Variants in TVP23A observed in about 807,000 individuals in gnomAD.
TVP23A encodes the protein Golgi apparatus membrane protein TVP23 homolog A.
In TVP23A, 21 loss-of-function variants were observed where a neutral mutation model predicts 31.7. That is an observed-to-expected ratio of 0.66 (90% CI 0.47 to 0.95). The LOEUF (loss-of-function observed/expected upper bound fraction) is 0.95. TVP23A is among the 40% of genes least tolerant of loss of function. TVP23A has a pLI of 0.00. For missense variants in TVP23A, 279 were observed against 255.6 expected, an observed-to-expected ratio of 1.09 and a Z score of -0.62; for synonymous variants, 104 against 96.0, an observed-to-expected ratio of 1.08 and a Z score of -0.49.
rs2030991477 is a variant in TVP23A at position 10,767,087 on chromosome 16, G to A, written c.*2015C>T. 3.0e-5 allele frequency: 12 copies of A among 398,776 alleles called. No individual in the cohort carries two copies. The East Asian group carries it at 3.9e-4, about 13-fold the overall frequency. The allele number at this position is 398,776 out of a possible 1,614,324, so 24.7% of individuals were successfully genotyped here. On this transcript the variant is annotated 3_prime_UTR_variant, in exon 8 of 8. Transcript: ENST00000299866. The surrounding 1 kb of genome is among the most constrained non-coding windows in gnomAD (Gnocchi z 4.6). ...GTGCTAGGTAGGAACCCCTCCTGGGGTTCACCTGAGGCTGGTGACCGGCCA... is the reference window on the plus strand; with the variant it reads ...GTGCTAGGTAGGAACCCCTCCTGGGATTCACCTGAGGCTGGTGACCGGCCA...
chr16:10,762,828 G>A (rs866626034), downstream of TVP23A, among the ~76,000 whole-genome samples: 2 of 148,148 alleles, frequency 1.3e-5, no homozygotes, highest in Non-Finnish European at 1.5e-5. Flanking sequence ...GGGAGAGGGC[G>A]GGGCCCGTGG....
rs147782289 is a variant in TVP23A at position 10,814,634 on chromosome 16, C to G, written c.89+3469G>C. 4.7e-3 allele frequency among the ~76,000 whole-genome samples: 711 copies of G among 152,036 alleles called. 4 individuals carry two copies. The highest frequency in any genetic ancestry group is 0.017 in the African/African-American group (696 of 41,286). ...CCTGAGCAAAATCCTTCCATGGTGA[C>G]CGAACTCTGGAACTGCCCTGCCCAA... On this transcript the variant is annotated intron_variant, in intron 2 of 7. Coordinates refer to ENST00000299866, the MANE Select transcript of TVP23A (RefSeq NM_001079512.4).
intron 2 of TVP23A, 46 bp from the exon 3 acceptor site, chr16:10,775,142 A>G (rs2031918344): frequency 6.4e-7 from 1 of 1,571,602 alleles, no homozygotes; most frequent in East Asian, 2.3e-5. Context: ...AGCTAAGCGG[A>G]TGGTCACTGA....
intron 2 of TVP23A, chr16:10,808,706 G>C: frequency 2.8e-6 from 1 of 357,582 alleles, no homozygotes; most frequent in Non-Finnish European, 5.6e-6. Flanking sequence ...GAGCTCAGGG[G>C]GTTGAGGCTG....
At position 10,780,097 on chromosome 16, in the gene TVP23A, GAA is replaced by G. The variant is rs1567286466; in HGVS notation, c.90-5003_90-5002del. 3.8e-3 allele frequency among the ~76,000 whole-genome samples: 550 copies of G among 145,764 alleles called. 1 individual carries two copies. The highest frequency in any genetic ancestry group is 0.014 in the African/African-American group (512 of 37,008). On this transcript the variant is annotated intron_variant, in intron 2 of 7. Coordinates refer to ENST00000299866, the MANE Select transcript of TVP23A (RefSeq NM_001079512.4). ...AGTGAGACTCCATCTCAAAATGAAT[GAA>G]TGAATGAATGAATGAATGAATGAAT...
At chr16:10,758,439 G>A (rs1489652832), downstream of TVP23A, among the ~76,000 whole-genome samples, 1 of 152,200 alleles carries the variant, frequency 6.6e-6, no homozygotes, top group African/African-American at 2.4e-5. Context: ...CGCCAGTGCA[G>A]TCCAGCCAGC....
rs1286336824 is a variant in TVP23A at position 10,774,986 on chromosome 16, A to G, written c.200T>C (p.Leu67Pro). The part of the protein sequence containing the change: ...KSFVGCFVMV[L>P]LLLSLDFWSV... ...CCAGAAGTCCAGGGACAGGAGGAGC[A>G]GCACCATGACAAAACAGCCCACAAA... Residue 67 changes from leucine (L) to proline (P), a missense_variant, in exon 3 of 8, where the codon CTG becomes CCG. Leu to Pro is a moderately conservative substitution (Grantham distance 98). Transcript: ENST00000299866. 1 of 1,613,170 alleles carries G rather than the reference A, an allele frequency of 6.2e-7. No individual in the cohort carries two copies. Among genetic ancestry groups the G allele is most frequent in the Non-Finnish European group, 8.5e-7 (1 of 1,179,498 alleles).
chr16:10,794,688 T>C (rs1164344104), intron 2 of TVP23A, among the ~76,000 whole-genome samples: 1 of 152,034 alleles, frequency 6.6e-6, no homozygotes, highest in Non-Finnish European at 1.5e-5. Context: ...TTGGCTGAGA[T>C]GGGGGTTGGG....
At chr16:10,769,734 A>C (rs2031405720) in intron 7 of TVP23A, among the ~76,000 whole-genome samples, 1 of 152,198 alleles carries the variant, frequency 6.6e-6, no homozygotes, top group South Asian at 2.1e-4. Context: ...TAATATGTGC[A>C]CAGTATATCC....
Position 10,780,015 on chromosome 16 carries a change from G to A in TVP23A, c.90-4919C>T, listed in dbSNP as rs940661797. Reference sequence around the variant, plus strand: ...AGGCAGGGGAATTGCTTGAACCCAGGAGGCAAAGTTTGCAGTGAGCCAAGA... The same window carrying A: ...AGGCAGGGGAATTGCTTGAACCCAGAAGGCAAAGTTTGCAGTGAGCCAAGA... On this transcript the variant is annotated intron_variant, in intron 2 of 7. Coordinates refer to ENST00000299866, the MANE Select transcript of TVP23A (RefSeq NM_001079512.4). 7.2e-5 allele frequency among the ~76,000 whole-genome samples: 11 copies of A among 152,268 alleles called. No individual in the cohort carries two copies. The South Asian group carries it at 2.1e-3, about 29-fold the overall frequency.
At chr16:10,813,022 G>C (rs116551831) in intron 2 of TVP23A, among the ~76,000 whole-genome samples, 1,861 of 152,216 alleles carry the variant, frequency 0.012, 45 homozygotes, top group African/African-American at 0.042. Context: ...CACTGATCCT[G>C]CAAGATGTGA....
intron 2 of TVP23A, among the ~76,000 whole-genome samples, chr16:10,794,899 C>T (rs752550536): frequency 9.9e-5 from 15 of 152,072 alleles, no homozygotes; most frequent in African/African-American, 1.7e-4. Flanking sequence ...GCCCCTGGAA[C>T]CCTCAGATTA....
At chr16:10,812,063 C>T (rs989426806) in intron 2 of TVP23A, among the ~76,000 whole-genome samples, 4 of 151,518 alleles carry the variant, frequency 2.6e-5, no homozygotes, top group East Asian at 1.9e-4. Flanking sequence ...AACAAAAATC[C>T]GATAACTGAT....
chr16:10,788,365 C>T (rs927028450), intron 2 of TVP23A, among the ~76,000 whole-genome samples: 1 of 151,840 alleles, frequency 6.6e-6, no homozygotes, highest in Non-Finnish European at 1.5e-5. Flanking sequence ...ACCTCCATCT[C>T]CCGGATTCAA....
downstream of TVP23A, among the ~76,000 whole-genome samples, chr16:10,757,519 A>T (rs935518208): frequency 1.8e-4 from 27 of 152,156 alleles, 2 homozygotes; most frequent in Admixed American, 1.7e-3. The surrounding 1 kb of genome is among the most constrained non-coding windows in gnomAD (Gnocchi z 4.1). Context: ...TAGGGTGTTA[A>T]ACAGTGTCCC....
chr16:10,774,854 T>C (rs2031888906), intron 3 of TVP23A, 98 bp downstream of exon 3: 2 of 993,534 alleles, frequency 2.0e-6, no homozygotes, highest in African/African-American at 3.2e-5. Context: ...CTCTTAAGCA[T>C]GTCTCAGGAG....
At chr16:10,814,025 A>G (rs1445966259) in intron 2 of TVP23A, among the ~76,000 whole-genome samples, 2 of 145,704 alleles carry the variant, frequency 1.4e-5, no homozygotes, top group African/African-American at 5.4e-5. Flanking sequence ...AAAAAAAAAA[A>G]AAAAATTCCC....
intron 2 of TVP23A, among the ~76,000 whole-genome samples, chr16:10,781,444 T>C (rs923115557): frequency 6.6e-5 from 10 of 152,146 alleles, no homozygotes; most frequent in African/African-American, 1.7e-4. Context: ...GGGGCTTCTG[T>C]TCAACTTTCC....
chr16:10,761,982 G>A (rs2029986427), downstream of TVP23A: 1 of 715,544 alleles, frequency 1.4e-6, no homozygotes, highest in Non-Finnish European at 2.3e-6. Flanking sequence ...TGGGGCGCTG[G>A]AGCCAGACCC....
Sources: allele counts gnomAD v4.1 joint callset (sites outside exome capture counted in the v4.1 genomes callset), GRCh38; gene constraint gnomAD v4.1.1; non-coding constraint Gnocchi (gnomAD v3.1); transcripts MANE v1.5; gene names NCBI Gene and HGNC (gene_info 2026-07-23, HGNC 2026-07-21).